The following ZMAT4 variants were observed in gnomAD, a reference collection of about 807,000 sequenced individuals.
The protein encoded by ZMAT4 is zinc finger matrin-type 4.
In ZMAT4, 17 loss-of-function variants were observed where a neutral mutation model predicts 28.7. That is an observed-to-expected ratio of 0.59 (90% CI 0.41 to 0.89). ZMAT4 has a LOEUF of 0.89. Ranked by LOEUF, ZMAT4 falls within the 40% of genes least tolerant of loss-of-function variation. The probability of loss-of-function intolerance (pLI) is 0.00; values close to 1 mark genes in which losing one functional copy is unlikely to be tolerated. For missense variants in ZMAT4, 240 were observed against 283.8 expected, an observed-to-expected ratio of 0.85 and a Z score of 1.11; for synonymous variants, 117 against 109.2, an observed-to-expected ratio of 1.07 and a Z score of -0.44.
At chr8:40,874,831 C>T (rs1456778492) in intron 1 of ZMAT4, among the ~76,000 whole-genome samples, 4 of 152,184 alleles carry the variant, frequency 2.6e-5, no homozygotes, top group Admixed American at 2.0e-4. Context: ...GGCGTGGTTT[C>T]GGACATGGCT....
intron 6 of ZMAT4, among the ~76,000 whole-genome samples, chr8:40,560,199 A>C (rs987487971): frequency 1.9e-3 from 222 of 115,192 alleles, no homozygotes; most frequent in African/African-American, 7.6e-3. Context: ...GTCAAACTTT[A>C]TATATATATA....
intron 3 of ZMAT4, among the ~76,000 whole-genome samples, chr8:40,764,556 GC>G: frequency 6.7e-6 from 1 of 148,814 alleles, no homozygotes; most frequent in Non-Finnish European, 1.5e-5. Flanking sequence ...TGTTTACAAA[GC>G]CATACGCTGG....
chr8:40,819,904 T>G (rs982994684), intron 2 of ZMAT4, among the ~76,000 whole-genome samples: 2 of 152,074 alleles, frequency 1.3e-5, no homozygotes, highest in Non-Finnish European at 2.9e-5. Flanking sequence ...TATATATGTT[T>G]TTATATGTTC....
chr8:40,535,153 T>A (rs1802807840), intron 6 of ZMAT4, among the ~76,000 whole-genome samples: 1 of 152,170 alleles, frequency 6.6e-6, no homozygotes, highest in Non-Finnish European at 1.5e-5. Context: ...ACTTCTGTGA[T>A]GTTCAGCCCC....
At chr8:40,757,617 A>G (rs1322728333) in intron 3 of ZMAT4, among the ~76,000 whole-genome samples, 1 of 152,048 alleles carries the variant, frequency 6.6e-6, no homozygotes, top group African/African-American at 2.4e-5. Context: ...AAAAGGTAAA[A>G]TGGTACATAT....
intron 1 of ZMAT4, among the ~76,000 whole-genome samples, chr8:40,828,026 A>C (rs1422902928): frequency 2.6e-5 from 4 of 152,160 alleles, no homozygotes; most frequent in African/African-American, 9.7e-5. Flanking sequence ...TCTTGCCCTG[A>C]GTCTATTTCA....
chr8:40,702,024 T>A (rs549379614), intron 3 of ZMAT4, among the ~76,000 whole-genome samples: 3 of 152,280 alleles, frequency 2.0e-5, no homozygotes, highest in African/African-American at 7.2e-5. Flanking sequence ...GGGTTTGTTA[T>A]CAAGAGAGTG....
At chr8:40,659,983 AC>A (rs1808114480) in intron 5 of ZMAT4, among the ~76,000 whole-genome samples, 1 of 152,196 alleles carries the variant, frequency 6.6e-6, no homozygotes, top group Non-Finnish European at 1.5e-5. Context: ...TATTTACAAA[AC>A]AGTAATCCTT....
At chr8:40,681,392 C>T (rs1809158516) in intron 4 of ZMAT4, among the ~76,000 whole-genome samples, 1 of 152,130 alleles carries the variant, frequency 6.6e-6, no homozygotes, top group African/African-American at 2.4e-5. Flanking sequence ...TTTTTTCCTA[C>T]CCTAAATCAA....
chr8:40,719,541 A>T (rs1331000909), intron 3 of ZMAT4, among the ~76,000 whole-genome samples: 1 of 152,124 alleles, frequency 6.6e-6, no homozygotes, highest in Non-Finnish European at 1.5e-5. Context: ...ACAGGCAGCG[A>T]GTTCGTGGAG....
intron 5 of ZMAT4, 65 bp from the exon 6 acceptor site, chr8:40,581,326 C>A: frequency 3.6e-6 from 5 of 1,375,128 alleles, no homozygotes; most frequent in Non-Finnish European, 4.1e-6. Flanking sequence ...TGAATCCTAG[C>A]ATCTCCAGAA....
In ZMAT4 at chr8:40,640,733, G is replaced by C. The variant is rs151248750; in HGVS notation, c.577+33971C>G. 9.8e-3 allele frequency among the ~76,000 whole-genome samples: 1,498 copies of C among 152,184 alleles called. 24 individuals are homozygous for C. The highest frequency in any genetic ancestry group is 0.034 in the African/African-American group (1,405 of 41,492). ...CCCAGCACTTTGGGAGGTCGAGGTG[G>C]TGGATCACCTGAGGTCAGGAGTTCA... On this transcript the variant is annotated intron_variant, in intron 5 of 6. Transcript: ENST00000297737.
intron 6 of ZMAT4, among the ~76,000 whole-genome samples, chr8:40,577,495 A>C (rs1804307147): frequency 6.6e-6 from 1 of 152,178 alleles, no homozygotes; most frequent in Non-Finnish European, 1.5e-5. Flanking sequence ...GTAGAGTCAA[A>C]TCGTGGTTAC....
intron 6 of ZMAT4, among the ~76,000 whole-genome samples, chr8:40,534,598 C>T (rs1802788691): frequency 6.6e-6 from 1 of 151,772 alleles, no homozygotes; most frequent in Non-Finnish European, 1.5e-5. Flanking sequence ...AGTCAGATAG[C>T]TCATCTTCTT....
At chr8:40,613,431 A>T (rs909551732) in intron 5 of ZMAT4, among the ~76,000 whole-genome samples, 5 of 151,828 alleles carry the variant, frequency 3.3e-5, no homozygotes, top group African/African-American at 1.2e-4. Flanking sequence ...TGATCTGCCC[A>T]TCTCGGCCTC....
At chr8:40,803,301 T>C (rs1227572867) in intron 2 of ZMAT4, among the ~76,000 whole-genome samples, 1 of 152,162 alleles carries the variant, frequency 6.6e-6, no homozygotes, top group African/African-American at 2.4e-5. Context: ...AAGATTGAGA[T>C]AAAATATTTG....
At chr8:40,563,542 A>G (rs982794217) in intron 6 of ZMAT4, among the ~76,000 whole-genome samples, 2 of 152,204 alleles carry the variant, frequency 1.3e-5, no homozygotes, top group Non-Finnish European at 2.9e-5. Flanking sequence ...CTAAATCCAA[A>G]GGTAACAGAT....
intron 1 of ZMAT4, among the ~76,000 whole-genome samples, chr8:40,869,017 A>G (rs929935223): frequency 2.6e-5 from 4 of 152,094 alleles, no homozygotes; most frequent in East Asian, 1.9e-4. Flanking sequence ...TACCTGTCCA[A>G]CCCTGTTTGC....
intron 3 of ZMAT4, among the ~76,000 whole-genome samples, chr8:40,715,683 C>A: frequency 6.6e-6 from 1 of 152,116 alleles, no homozygotes; most frequent in South Asian, 2.1e-4. Context: ...GTGTGCTTTA[C>A]GAGATAAGAT....
Sources: gnomAD v4.1 joint callset for allele counts (sites outside exome capture counted in the v4.1 genomes callset) on GRCh38, gnomAD v4.1.1 for gene constraint, MANE v1.5 for transcripts, NCBI Gene and HGNC (gene_info 2026-07-23, HGNC 2026-07-21) for gene names.